The following LHFPL2 variants were observed in gnomAD, a reference collection of about 807,000 sequenced individuals.
LHFPL2 encodes LHFPL tetraspan subfamily member 2 protein.
A neutral mutation model predicts 17.5 loss-of-function variants in LHFPL2; 7 were observed. The observed-to-expected ratio is 0.40, with a 90% CI of 0.23 to 0.75. The LOEUF is 0.75. Among genes scored for constraint, LHFPL2 ranks in the 30% least tolerant of loss-of-function variants. The pLI, the probability that LHFPL2 is intolerant of heterozygous loss-of-function variation, is 0.37. For synonymous variants in LHFPL2, 134 were observed against 116.2 expected (o/e 1.15, Z -0.99); for missense variants, 241 against 294.8 (o/e 0.82, Z 1.34).
intron 4 of LHFPL2, among the ~76,000 whole-genome samples, chr5:78,502,590 G>A (rs576436604): frequency 3.3e-4 from 51 of 152,290 alleles, no homozygotes; most frequent in Admixed American, 1.1e-3. Flanking sequence ...GCAGGATCAC[G>A]AAAGACAGAG....
chr5:78,642,438 G>A (rs187470002), intron 1 of LHFPL2, among the ~76,000 whole-genome samples: 5 of 152,300 alleles, frequency 3.3e-5, no homozygotes, highest in African/African-American at 1.2e-4. Context: ...CACCAAGTCT[G>A]CAAAATAACA....
At chr5:78,567,734 G>C (rs1756895374) in intron 2 of LHFPL2, among the ~76,000 whole-genome samples, 1 of 152,006 alleles carries the variant, frequency 6.6e-6, no homozygotes, top group Non-Finnish European at 1.5e-5. Flanking sequence ...AAGAAGTGGT[G>C]TTAATATTCA....
intron 2 of LHFPL2, among the ~76,000 whole-genome samples, chr5:78,575,420 G>A (rs539293233): frequency 4.8e-4 from 73 of 151,974 alleles, no homozygotes; most frequent in Non-Finnish European, 8.4e-4. Context: ...GTGGTGGCAC[G>A]CACCTGTAGT....
intron 2 of LHFPL2, among the ~76,000 whole-genome samples, chr5:78,618,551 G>A: frequency 6.6e-6 from 1 of 152,344 alleles, no homozygotes; most frequent in Non-Finnish European, 1.5e-5. Context: ...CTCCTGCCAT[G>A]ATGGCCTTAG....
At chr5:78,571,986 T>A (rs1331997538) in intron 2 of LHFPL2, among the ~76,000 whole-genome samples, 1 of 152,160 alleles carries the variant, frequency 6.6e-6, no homozygotes, top group East Asian at 1.9e-4. Context: ...ACTCTCTCAG[T>A]AAATATCAGT....
intron 2 of LHFPL2, among the ~76,000 whole-genome samples, chr5:78,618,560 AGG>A (rs1744705194): frequency 6.6e-6 from 1 of 152,220 alleles, no homozygotes; most frequent in South Asian, 2.1e-4. Flanking sequence ...TGATGGCCTT[AGG>A]GGAGTTGGAC....
intron 3 of LHFPL2, among the ~76,000 whole-genome samples, chr5:78,553,230 C>G (rs893973633): frequency 4.6e-5 from 7 of 152,196 alleles, no homozygotes; most frequent in Admixed American, 2.0e-4. Flanking sequence ...CATCTCCTTG[C>G]CTTTGCCCAC....
intron 2 of LHFPL2, among the ~76,000 whole-genome samples, chr5:78,602,044 C>T (rs2112474149): frequency 6.6e-6 from 1 of 152,222 alleles, no homozygotes; most frequent in African/African-American, 2.4e-5. Flanking sequence ...CCCTACTCCT[C>T]TCAAAAAAAC....
rs553285779 is a variant in LHFPL2 at position 78,585,575 on chromosome 5, G to A, written c.-244-20704C>T. Among the ~76,000 whole-genome samples the A allele has an allele frequency of 5.9e-5, 9 of 152,200 alleles. No individual in the cohort carries two copies. The East Asian group carries it at 1.4e-3, about 23-fold the overall frequency. On this transcript the variant is annotated intron_variant, in intron 2 of 4. Coordinates refer to ENST00000380345, the MANE Select transcript of LHFPL2 (RefSeq NM_005779.3). ...GCAGAAATCACCCGTCTTCTGCGTC[G>A]CTCATGCTGGGAGCTGCATACTGGA... is the stretch of plus-strand genomic sequence containing the variant.
chr5:78,642,446 A>G lies in LHFPL2; in HGVS notation c.-350+6053T>C, dbSNP rs1745701860. Among the ~76,000 whole-genome samples the G allele has an allele frequency of 2.0e-5, 3 of 152,328 alleles. No homozygotes were observed. In the South Asian group the frequency reaches 6.2e-4, roughly 32 times the overall value. ...CAGAACTCACCAAGTCTGCAAAATA[A>G]CATCAGTACAAGCCTGGTCATTTGA... On this transcript the variant is annotated intron_variant, in intron 1 of 4. Coordinates refer to ENST00000380345, the MANE Select transcript of LHFPL2 (RefSeq NM_005779.3).
chr5:78,497,238 T>C (rs1754634340), intron 4 of LHFPL2, among the ~76,000 whole-genome samples: 1 of 152,164 alleles, frequency 6.6e-6, no homozygotes. Flanking sequence ...GCCTGGAATG[T>C]TTTCTCCTGA....
chr5:78,552,835 T>G (rs927813290), intron 3 of LHFPL2, among the ~76,000 whole-genome samples: 2 of 152,194 alleles, frequency 1.3e-5, no homozygotes, highest in African/African-American at 4.8e-5. Flanking sequence ...GCGTGTCAAT[T>G]TCTCCTTCAA....
At chr5:78,642,877 A>G (rs978728449) in intron 1 of LHFPL2, among the ~76,000 whole-genome samples, 3 of 152,118 alleles carry the variant, frequency 2.0e-5, no homozygotes, top group African/African-American at 7.2e-5. Context: ...ATGAACAGGA[A>G]GTGGGGTCAA....
intron 3 of LHFPL2, among the ~76,000 whole-genome samples, chr5:78,534,348 A>C (rs1292243696): frequency 6.6e-6 from 1 of 152,208 alleles, no homozygotes; most frequent in East Asian, 1.9e-4. Context: ...GAGTCCAGGG[A>C]GCTGCTCTGC....
intron 2 of LHFPL2, among the ~76,000 whole-genome samples, chr5:78,565,857 A>G (rs1299341450): frequency 6.6e-6 from 1 of 152,196 alleles, no homozygotes; most frequent in African/African-American, 2.4e-5. Context: ...TAGAAACCAC[A>G]TATTCCTTAA....
At chr5:78,494,051 A>G (rs1318771435) in intron 4 of LHFPL2, among the ~76,000 whole-genome samples, 2 of 152,154 alleles carry the variant, frequency 1.3e-5, no homozygotes, top group African/African-American at 4.8e-5. Flanking sequence ...CTTTGCAGCT[A>G]TTAAAAAAGC....
intron 1 of LHFPL2, among the ~76,000 whole-genome samples, chr5:78,646,445 C>T (rs561813591): frequency 5.1e-4 from 78 of 152,342 alleles, no homozygotes; most frequent in Middle Eastern, 3.4e-3. Flanking sequence ...TGCACAAAAG[C>T]AATCAGTTAA....
chr5:78,629,764 G>A (rs771969318), intron 2 of LHFPL2, among the ~76,000 whole-genome samples: 1 of 152,206 alleles, frequency 6.6e-6, no homozygotes, highest in African/African-American at 2.4e-5. Context: ...CCTTTGCTCT[G>A]ATTTCTCCCA....
rs529877533 is a variant in LHFPL2, at chr5:78,507,637, C to T, written c.430+2147G>A. Reference sequence around the variant, plus strand: ...CTTCCAGTAAATGGCCACTGGTTTGCTCGAAGGTAGTTAGATCACCATCAA... The same window carrying T: ...CTTCCAGTAAATGGCCACTGGTTTGTTCGAAGGTAGTTAGATCACCATCAA... On this transcript the variant is annotated intron_variant, in intron 4 of 4. Transcript: ENST00000380345. Among the ~76,000 whole-genome samples, 4 of 152,248 alleles carry T rather than the reference C, an allele frequency of 2.6e-5. No homozygotes were observed. In the South Asian group the frequency reaches 6.2e-4, roughly 24 times the overall value.
Sources: gnomAD v4.1 joint callset for allele counts (sites outside exome capture counted in the v4.1 genomes callset) on GRCh38, gnomAD v4.1.1 for gene constraint, MANE v1.5 for transcripts, NCBI Gene and HGNC (gene_info 2026-07-23, HGNC 2026-07-21) for gene names.